POLR3B: variants seen among roughly 807,000 people sequenced by gnomAD.
The protein encoded by POLR3B is RNA polymerase III subunit B, also known as DNA-directed RNA polymerase III subunit RPC2.
POLR3B carries 96 observed loss-of-function variants against 147.4 expected under a neutral mutation model. The observed-to-expected ratio is 0.65, with a 90% confidence interval of 0.55 to 0.77. POLR3B has a LOEUF of 0.77. Among genes scored for constraint, POLR3B ranks in the 30% least tolerant of loss-of-function variants. The pLI is 0.00. For synonymous variants in POLR3B, 461 were observed against 485.9 expected, an observed-to-expected ratio of 0.95 and a Z score of 0.67; for missense variants, 1,036 against 1,413.5, an observed-to-expected ratio of 0.73 and a Z score of 4.28.
At position 106,469,837 on chromosome 12, in the gene POLR3B, T is replaced by A. The variant is rs149337862; in HGVS notation, c.2713+6217T>A. Among the ~76,000 whole-genome samples the A allele has an allele frequency of 7.8e-4, 119 of 152,310 alleles. 2 individuals carry two copies. The highest frequency in any genetic ancestry group is 2.8e-3 in the African/African-American group (115 of 41,558). ...GAGATCTGCTGTTAGTCTAATGGGG[T>A]TCCCTTTGTGGGTAACCCGAGCTTT... is the stretch of plus-strand genomic sequence containing the variant. On this transcript the variant is annotated intron_variant, in intron 23 of 27. Coordinates refer to ENST00000228347, the MANE Select transcript of POLR3B (RefSeq NM_018082.6).
In POLR3B at chr12:106,475,439, T is replaced by A. The variant is rs1430250783; in HGVS notation, c.2713+11819T>A. ...GTATCCTTGTTGACTTTCTGTCTCA[T>A]TGATCTGTCTAATGTTGACAGTGGG... On this transcript the variant is annotated intron_variant, in intron 23 of 27. Coordinates refer to ENST00000228347, the MANE Select transcript of POLR3B (RefSeq NM_018082.6). 1.4e-3 allele frequency among the ~76,000 whole-genome samples: 150 copies of A among 103,552 alleles called. 16 individuals carry two copies. Among genetic ancestry groups the A allele is most frequent in the Non-Finnish European group, 1.5e-3 (78 of 52,494 alleles). 67.9% of individuals were successfully genotyped at this position (103,552 alleles called of 152,430 possible). A position where few individuals can be genotyped will look rare whatever the true frequency, so the allele number is the denominator to read the frequency against.
At chr12:106,461,397 T>C (rs896051236) in intron 22 of POLR3B, among the ~76,000 whole-genome samples, 8 of 152,116 alleles carry the variant, frequency 5.3e-5, no homozygotes, top group Non-Finnish European at 1.0e-4. Flanking sequence ...CCTTAAAAAA[T>C]ACTTTTTGAG....
At chr12:106,463,972 T>C (rs1432569225) in intron 23 of POLR3B, among the ~76,000 whole-genome samples, 4 of 152,012 alleles carry the variant, frequency 2.6e-5, no homozygotes, top group Non-Finnish European at 1.5e-5. Flanking sequence ...TTTAAACTAC[T>C]ATATGTTCTG....
At chr12:106,419,087 G>A (rs2136945558) in intron 12 of POLR3B, among the ~76,000 whole-genome samples, 1 of 152,296 alleles carries the variant, frequency 6.6e-6, no homozygotes, top group East Asian at 1.9e-4. Context: ...TGTTCAGGAT[G>A]CTTATTCAAG....
intron 9 of POLR3B, among the ~76,000 whole-genome samples, chr12:106,387,474 T>A (rs772364735): frequency 4.6e-5 from 7 of 152,222 alleles, no homozygotes; most frequent in African/African-American, 9.6e-5. Context: ...TCTTTTTTTT[T>A]AAACTTGGTG....
intron 1 of POLR3B, among the ~76,000 whole-genome samples, chr12:106,361,868 C>T (rs575367356): frequency 3.3e-5 from 5 of 152,264 alleles, no homozygotes; most frequent in East Asian, 1.9e-4. Flanking sequence ...AGACAGTGAT[C>T]GGCATGGCCA....
chr12:106,454,888 A>G lies in POLR3B; in HGVS notation c.2293+177A>G, dbSNP rs76435587. 0.025 allele frequency among the ~76,000 whole-genome samples: 3,757 copies of G among 152,284 alleles called. 163 individuals carry two copies. The highest frequency in any genetic ancestry group is 0.085 in the African/African-American group (3,530 of 41,554). On this transcript the variant is annotated intron_variant, in intron 20 of 27. Coordinates refer to ENST00000228347, the MANE Select transcript of POLR3B (RefSeq NM_018082.6). ...TTTCTTGTCATTTTTAATGACTAGT[A>G]TATTGAAATAATTTGTTAAACATAC...
At chr12:106,487,266 G>A (rs2038353380) in intron 23 of POLR3B, among the ~76,000 whole-genome samples, 1 of 152,190 alleles carries the variant, frequency 6.6e-6, no homozygotes, top group South Asian at 2.1e-4. Context: ...AGGTTTGTTT[G>A]TTTGTTTGTT....
chr12:106,509,337 T>G, intron 27 of POLR3B, 83 bp from the exon 28 acceptor site: 1 of 1,371,338 alleles, frequency 7.3e-7, no homozygotes, highest in Admixed American at 1.7e-5. Context: ...AATAGAACTT[T>G]ATAGAGACCA....
intron 27 of POLR3B, among the ~76,000 whole-genome samples, chr12:106,508,716 A>G (rs984493990): frequency 6.6e-6 from 1 of 152,248 alleles, no homozygotes; most frequent in Non-Finnish European, 1.5e-5. Context: ...AGGAACATGG[A>G]CTGTTGTTGC....
chr12:106,415,797 A>T (rs1456657087), intron 12 of POLR3B, among the ~76,000 whole-genome samples: 2 of 152,232 alleles, frequency 1.3e-5, no homozygotes, highest in Non-Finnish European at 2.9e-5. Context: ...AAAAAATAGC[A>T]TAGCAAAAAG....
chr12:106,422,064 C>A (rs754275798), intron 12 of POLR3B, among the ~76,000 whole-genome samples: 12 of 152,148 alleles, frequency 7.9e-5, no homozygotes, highest in Non-Finnish European at 1.8e-4. Flanking sequence ...GTCAACTTAT[C>A]TAACTTTTAA....
intron 27 of POLR3B, among the ~76,000 whole-genome samples, chr12:106,509,174 C>T (rs1479241630): frequency 6.6e-6 from 1 of 152,156 alleles, no homozygotes; most frequent in Non-Finnish European, 1.5e-5. Flanking sequence ...TAACAACTGA[C>T]TCAACTTGCA....
intron 10 of POLR3B, among the ~76,000 whole-genome samples, chr12:106,394,398 A>G (rs549620505): frequency 6.6e-6 from 1 of 152,330 alleles, no homozygotes; most frequent in African/African-American, 2.4e-5. Context: ...ACATTGTCCA[A>G]GGGTTCCAAG....
intron 23 of POLR3B, among the ~76,000 whole-genome samples, chr12:106,469,470 G>A (rs181884053): frequency 5.3e-5 from 8 of 152,218 alleles, no homozygotes; most frequent in African/African-American, 1.9e-4. Flanking sequence ...ATATTGTTAT[G>A]TGTGAATTTG....
At position 106,496,045 on chromosome 12, in the gene POLR3B, T is replaced by C. The variant is rs2038477629; in HGVS notation, c.2714-10T>C. The C allele has an allele frequency of 6.4e-7, 1 of 1,552,536 alleles. No individual in the cohort carries two copies. The highest frequency in any genetic ancestry group is 8.9e-7 in the Non-Finnish European group (1 of 1,123,966). On this transcript the variant is annotated splice_polypyrimidine_tract_variant and intron_variant, in intron 23 of 27. Transcript: ENST00000228347. ...TTGCTTTATGTGGCATGAAATCTTCTCTCCCCCAGGTGTTTGTGGCTTGAT... is the reference window on the plus strand; with the variant it reads ...TTGCTTTATGTGGCATGAAATCTTCCCTCCCCCAGGTGTTTGTGGCTTGAT...
chr12:106,422,921 T>G (rs995162998), intron 12 of POLR3B, among the ~76,000 whole-genome samples: 1 of 152,220 alleles, frequency 6.6e-6, no homozygotes, highest in African/African-American at 2.4e-5. Flanking sequence ...TTAAAATATG[T>G]AGGCTTTTTA....
chr12:106,393,212 A>G (rs892973443), intron 10 of POLR3B, 59 bp downstream of exon 10: 3 of 1,606,806 alleles, frequency 1.9e-6, no homozygotes, highest in Non-Finnish European at 2.6e-6. Flanking sequence ...AATGCTGCTC[A>G]TTGATAAAGC....
chr12:106,394,488 C>T (rs1170532864), intron 10 of POLR3B, among the ~76,000 whole-genome samples: 1 of 152,166 alleles, frequency 6.6e-6, no homozygotes, highest in East Asian at 1.9e-4. Context: ...TATTTGGTTC[C>T]ATTTTGGGAG....
Sources: allele counts gnomAD v4.1 joint callset (sites outside exome capture counted in the v4.1 genomes callset), GRCh38; gene constraint gnomAD v4.1.1; transcripts MANE v1.5; gene names NCBI Gene and HGNC (gene_info 2026-07-23, HGNC 2026-07-21).